DLG2: variants seen among roughly 807,000 people sequenced by gnomAD.
The protein encoded by DLG2 is disks large homolog 2.
DLG2 carries 45 observed loss-of-function variants against 132.5 expected under a neutral mutation model. The ratio of observed to expected loss-of-function variants is 0.34; its 90% CI spans 0.27 to 0.44. The LOEUF (loss-of-function observed/expected upper bound fraction) is 0.44. Among genes scored for constraint, DLG2 ranks in the 20% least tolerant of loss-of-function variants. The pLI is 1.00. For synonymous variants in DLG2, 424 were observed against 419.6 expected (o/e 1.01, Z -0.13); for missense variants, 1,045 against 1,196.9 (o/e 0.87, Z 1.87).
intron 8 of DLG2, among the ~76,000 whole-genome samples, chr11:84,222,500 G>A (rs1351668089): frequency 5.9e-5 from 9 of 152,078 alleles, no homozygotes; most frequent in African/African-American, 1.2e-4. Flanking sequence ...ATAAAATGTC[G>A]ATTTTCTCTT....
At chr11:83,542,854 CCTGT>C (rs1415550140) in intron 19 of DLG2, among the ~76,000 whole-genome samples, 3 of 152,136 alleles carry the variant, frequency 2.0e-5, no homozygotes, top group Non-Finnish European at 2.9e-5. Context: ...GATTTCACTA[CCTGT>C]CTATCTATTC....
At position 84,002,878 on chromosome 11, in the gene DLG2, TG is replaced by T. The variant is rs1286342960; in HGVS notation, c.920-22237del. Among the ~76,000 whole-genome samples, 4 of 152,290 alleles carry T rather than the reference TG, an allele frequency of 2.6e-5. No individual in the cohort carries two copies. In the South Asian group the frequency reaches 6.2e-4, roughly 24 times the overall value. On this transcript the variant is annotated intron_variant, in intron 11 of 27. Transcript: ENST00000376104. The stretch of plus-strand genomic sequence containing the variant: ...AATTGTTTTATCTTTTCTACTGCAT[TG>T]TCAGGTTGCAAAGTTTTCAAACTTT...
rs75734626 is a variant in DLG2 at position 83,512,370 on chromosome 11, A to T, written c.2193+20338T>A. On this transcript the variant is annotated intron_variant, in intron 21 of 27. Coordinates refer to ENST00000376104, the MANE Select transcript of DLG2 (RefSeq NM_001142699.3). ...ATTGTGAGGAACACCTTAGTTACAA[A>T]CAGTAATTCTAAATATCTACTCCTG... is the stretch of plus-strand genomic sequence containing the variant. Among the ~76,000 whole-genome samples the T allele has an allele frequency of 6.9e-3, 1,056 of 152,298 alleles. 18 individuals are homozygous for T. The highest frequency in any genetic ancestry group is 0.025 in the African/African-American group (1,023 of 41,562).
chr11:85,386,409 C>G (rs145389140), intron 3 of DLG2, among the ~76,000 whole-genome samples: 1 of 152,174 alleles, frequency 6.6e-6, no homozygotes, highest in Non-Finnish European at 1.5e-5. Context: ...CGACACCCTA[C>G]CTCCAGAGAC....
intron 7 of DLG2, among the ~76,000 whole-genome samples, chr11:84,342,053 T>G (rs1291898554): frequency 6.6e-6 from 1 of 152,162 alleles, no homozygotes; most frequent in Non-Finnish European, 1.5e-5. Context: ...ACCTGGACTT[T>G]TCTTTTTTTT....
At chr11:84,401,672 C>A (rs910806145) in intron 7 of DLG2, among the ~76,000 whole-genome samples, 9 of 152,052 alleles carry the variant, frequency 5.9e-5, no homozygotes, top group African/African-American at 2.2e-4. Context: ...GGTGGTGACC[C>A]TAAATAACTT....
At chr11:84,951,829 T>C (rs1237389943) in intron 6 of DLG2, among the ~76,000 whole-genome samples, 1 of 151,964 alleles carries the variant, frequency 6.6e-6, no homozygotes, top group East Asian at 1.9e-4. Flanking sequence ...CATATGCAGA[T>C]CATTCTGAAA....
intron 3 of DLG2, among the ~76,000 whole-genome samples, chr11:85,424,567 T>C (rs1209033538): frequency 1.1e-4 from 16 of 152,094 alleles, no homozygotes; most frequent in Non-Finnish European, 2.4e-4. Flanking sequence ...TTGCATTAGG[T>C]TTTTTCTTAT....
chr11:84,867,804 G>A lies in DLG2; in HGVS notation c.357+243857C>T, dbSNP rs1274259956. ...CATAATAATTATGGGGCCGGACGTGGTGGCTCACGCCTGTAATCCCACCAC... is the reference window on the plus strand; with the variant it reads ...CATAATAATTATGGGGCCGGACGTGATGGCTCACGCCTGTAATCCCACCAC... On this transcript the variant is annotated intron_variant, in intron 6 of 27. Transcript: ENST00000376104. Among the ~76,000 whole-genome samples, 3 of 152,170 alleles carry A rather than the reference G, an allele frequency of 2.0e-5. No homozygotes were observed. The East Asian group carries it at 5.8e-4, about 29-fold the overall frequency.
intron 3 of DLG2, among the ~76,000 whole-genome samples, chr11:85,298,283 G>A (rs1219093110): frequency 1.3e-5 from 2 of 152,150 alleles, no homozygotes; most frequent in African/African-American, 4.8e-5. Context: ...GTTTTCAATA[G>A]AGATAGATAA....
chr11:83,791,138 T>G, intron 17 of DLG2: 1 of 652,880 alleles, frequency 1.5e-6, no homozygotes, highest in Non-Finnish European at 2.7e-6. Context: ...GCACGTCTCC[T>G]CAGAGTTTGT....
intron 6 of DLG2, among the ~76,000 whole-genome samples, chr11:84,962,903 A>C (rs887254609): frequency 6.6e-6 from 1 of 152,236 alleles, no homozygotes; most frequent in African/African-American, 2.4e-5. Flanking sequence ...AGGTAAAAAT[A>C]ATGTATTTCA....
At chr11:84,057,160 G>A (rs1362856017) in intron 11 of DLG2, among the ~76,000 whole-genome samples, 3 of 152,288 alleles carry the variant, frequency 2.0e-5, no homozygotes, top group South Asian at 4.1e-4. Flanking sequence ...AGTTCAGCAT[G>A]AAGTAAACCA....
intron 6 of DLG2, among the ~76,000 whole-genome samples, chr11:85,051,307 G>A (rs892554580): frequency 9.9e-5 from 15 of 152,054 alleles, no homozygotes; most frequent in African/African-American, 3.6e-4. Flanking sequence ...AACTCTGTAA[G>A]AAGATAGACC....
At chr11:84,594,326 G>C (rs1172276753) in intron 6 of DLG2, among the ~76,000 whole-genome samples, 1 of 152,132 alleles carries the variant, frequency 6.6e-6, no homozygotes, top group Non-Finnish European at 1.5e-5. Flanking sequence ...ACATGGACTG[G>C]CATTCTAATG....
intron 15 of DLG2, among the ~76,000 whole-genome samples, chr11:83,919,358 T>A (rs2077454728): frequency 6.6e-6 from 1 of 152,166 alleles, no homozygotes; most frequent in Non-Finnish European, 1.5e-5. Flanking sequence ...TATCTGACCT[T>A]CAGGTTTCCC....
intron 3 of DLG2, among the ~76,000 whole-genome samples, chr11:85,360,000 A>G (rs562861655): frequency 6.6e-6 from 1 of 152,320 alleles, no homozygotes; most frequent in South Asian, 2.1e-4. Flanking sequence ...CATTCTCTCT[A>G]TACTCAGCTC....
At chr11:84,357,993 C>A (rs1315636240) in intron 7 of DLG2, among the ~76,000 whole-genome samples, 2 of 151,796 alleles carry the variant, frequency 1.3e-5, no homozygotes, top group African/African-American at 4.8e-5. Flanking sequence ...TAAAAGATTT[C>A]TACATATACT....
At chr11:85,088,598 G>T (rs2068297385) in intron 6 of DLG2, among the ~76,000 whole-genome samples, 1 of 152,150 alleles carries the variant, frequency 6.6e-6, no homozygotes, top group Non-Finnish European at 1.5e-5. Flanking sequence ...TGAATAAAAA[G>T]AAAGCATTAT....
Sources: gnomAD v4.1 joint callset for allele counts (sites outside exome capture counted in the v4.1 genomes callset) on GRCh38, gnomAD v4.1.1 for gene constraint, MANE v1.5 for transcripts, NCBI Gene and HGNC (gene_info 2026-07-23, HGNC 2026-07-21) for gene names.